Variants in DNAH8 observed in about 807,000 individuals in gnomAD.
The protein encoded by DNAH8 is axonemal beta dynein heavy chain 8.
In DNAH8, 382 loss-of-function variants were observed where a neutral mutation model predicts 562.1. That is an observed-to-expected ratio of 0.68 (90% CI 0.63 to 0.74). DNAH8 has a LOEUF of 0.74. DNAH8 is among the 30% of genes least tolerant of loss of function. The probability of loss-of-function intolerance (pLI) is 0.00; values close to 1 mark genes in which losing one functional copy is unlikely to be tolerated. For synonymous variants in DNAH8, 1,881 were observed against 1,919.4 expected (o/e 0.98, Z 0.52); for missense variants, 5,203 against 5,620.4 (o/e 0.93, Z 2.37).
Position 38,910,162 on chromosome 6 carries a change from G to A in DNAH8, c.9740+418G>A, listed in dbSNP as rs368401094. ...TATGTTAAAGGAGTATTTAGAATTT[G>A]TATTTGCATTACTTAGTCTTACCAA... is the stretch of plus-strand genomic sequence containing the variant. On this transcript the variant is annotated intron_variant, in intron 65 of 92. Coordinates refer to ENST00000327475, the MANE Select transcript of DNAH8 (RefSeq NM_001206927.2). 2.1e-4 allele frequency among the ~76,000 whole-genome samples: 32 copies of A among 152,234 alleles called. No individual in the cohort carries two copies. In the East Asian group the frequency reaches 6.0e-3, roughly 28 times the overall value.
At chr6:38,848,439 G>A (rs962253133) in intron 36 of DNAH8, among the ~76,000 whole-genome samples, 1 of 152,088 alleles carries the variant, frequency 6.6e-6, no homozygotes, top group East Asian at 1.9e-4. Flanking sequence ...TGACACATGG[G>A]AACAATAAGT....
intron 57 of DNAH8, among the ~76,000 whole-genome samples, chr6:38,887,463 T>G (rs1277903637): frequency 6.6e-6 from 1 of 151,952 alleles, no homozygotes; most frequent in East Asian, 1.9e-4. Context: ...TCTTAGCACT[T>G]TGGAAGACCA....
intron 36 of DNAH8, 101 bp downstream of exon 36, chr6:38,845,874 G>A (rs1775256827): frequency 2.0e-6 from 2 of 980,082 alleles, no homozygotes; most frequent in Non-Finnish European, 3.1e-6. Context: ...GATGGATTCT[G>A]CACTAAATTT....
chr6:38,803,261 T>C lies in DNAH8; in HGVS notation c.2984T>C (p.Phe995Ser). The C allele has an allele frequency of 6.2e-7, 1 of 1,609,290 alleles. No individual in the cohort carries two copies. The highest frequency in any genetic ancestry group is 8.5e-7 in the Non-Finnish European group (1 of 1,177,020). The change falls in exon 22 of 93, where the codon TTT becomes TCT. Residue 995 changes from phenylalanine (F) to serine (S), a missense_variant. This residue lies in a region of DNAH8 where 2,176 missense variants were observed against 2,365.1 expected (regional missense o/e 0.92). Transcript: ENST00000327475. ...GCTGTCAGAGAACTTATATCAATATTTGAGCAGATTTATGAAGTGAAATAC... is the reference window on the plus strand; with the variant it reads ...GCTGTCAGAGAACTTATATCAATATCTGAGCAGATTTATGAAGTGAAATAC... Reference protein sequence around the residue: ...EEAVRELISIFEQIYEVKYTG... With the variant: ...EEAVRELISISEQIYEVKYTG...
intron 60 of DNAH8, among the ~76,000 whole-genome samples, chr6:38,896,720 C>A (rs1167259161): frequency 6.6e-6 from 1 of 152,102 alleles, no homozygotes; most frequent in Non-Finnish European, 1.5e-5. Context: ...AGTTTCTGGG[C>A]CAGATCCAGC....
intron 88 of DNAH8, among the ~76,000 whole-genome samples, chr6:38,992,720 G>C (rs1253828906): frequency 1.3e-5 from 2 of 152,064 alleles, no homozygotes; most frequent in Non-Finnish European, 2.9e-5. Context: ...ACTGCAGGCT[G>C]TTTCACTCAC....
At chr6:38,742,986 C>CA (rs1764636980) in intron 8 of DNAH8, among the ~76,000 whole-genome samples, 1 of 127,338 alleles carries the variant, frequency 7.9e-6, no homozygotes, top group Admixed American at 7.9e-5. Flanking sequence ...TATGGTTTTC[C>CA]AAAAAAATGT....
chr6:38,914,411 T>A, intron 67 of DNAH8, among the ~76,000 whole-genome samples: 1 of 144,636 alleles, frequency 6.9e-6, no homozygotes, highest in Non-Finnish European at 1.5e-5. Flanking sequence ...TTTTTTTTTT[T>A]TTTTTTTGAG....
chr6:38,831,430 CAAAAAAAA>C (rs67322321), intron 30 of DNAH8, among the ~76,000 whole-genome samples: 1 of 89,000 alleles, frequency 1.1e-5, no homozygotes, highest in South Asian at 4.1e-4. Flanking sequence ...GACACCATCT[CAAAAAAAA>C]AAAAAAAAAA....
At chr6:38,836,516 CAAAA>C (rs35716203) in intron 32 of DNAH8, among the ~76,000 whole-genome samples, 1 of 129,310 alleles carries the variant, frequency 7.7e-6, no homozygotes, top group East Asian at 2.2e-4. Flanking sequence ...AAAACCATCT[CAAAA>C]AAAAAAAAAA....
chr6:38,923,712 TG>T (rs1561867941), intron 72 of DNAH8: 1 of 393,726 alleles, frequency 2.5e-6, no homozygotes, highest in Non-Finnish European at 4.5e-6. Flanking sequence ...AGGGACAGGA[TG>T]GGGGAAGATA....
At position 38,945,526 on chromosome 6, in the gene DNAH8, A is replaced by G. The variant is rs760515122; in HGVS notation, c.12067A>G (p.Met4023Val). The G allele has an allele frequency of 2.5e-6, 4 of 1,614,154 alleles. No individual in the cohort carries two copies. The highest frequency in any genetic ancestry group is 3.4e-6 in the Non-Finnish European group (4 of 1,180,024). Residue 4023 changes from methionine to valine, a missense_variant, in exon 80 of 93, where the codon ATG (methionine) becomes GTG (valine). By Grantham distance (21) the Met-to-Val change is conservative. Coordinates refer to ENST00000327475, the MANE Select transcript of DNAH8 (RefSeq NM_001206927.2). ...PPKPYRWILD[M>V]TWLNLVELSK... ...CAAACCCTATCGCTGGATCCTTGAC[A>G]TGACTTGGCTGAATCTTGTGGAGCT...
At position 38,923,989 on chromosome 6, in the gene DNAH8, A is replaced by G. The variant is rs1402138356; in HGVS notation, c.10791-2A>G. ...GGAGGGGGCTGTGTGTTTTCTTCACAGACTTGTAGGTGATATTCTGCTGTG... is the reference window on the plus strand; with the variant it reads ...GGAGGGGGCTGTGTGTTTTCTTCACGGACTTGTAGGTGATATTCTGCTGTG... On this transcript the variant is annotated splice_acceptor_variant, in intron 72 of 92. Transcript: ENST00000327475. LOFTEE classifies it high-confidence loss of function. 24 of 1,613,782 alleles carry G rather than the reference A, an allele frequency of 1.5e-5. No homozygotes were observed. Among genetic ancestry groups the G allele is most frequent in the Non-Finnish European group, 2.0e-5 (24 of 1,179,834 alleles).
At chr6:39,004,798 T>C (rs936162885) in intron 88 of DNAH8, among the ~76,000 whole-genome samples, 2 of 152,252 alleles carry the variant, frequency 1.3e-5, no homozygotes, top group Non-Finnish European at 2.9e-5. Context: ...TGATCTTTTA[T>C]GTCTGGATTC....
chr6:38,963,032 C>T (rs1762714793), intron 82 of DNAH8, among the ~76,000 whole-genome samples: 1 of 152,130 alleles, frequency 6.6e-6, no homozygotes, highest in African/African-American at 2.4e-5. Context: ...GGGTACACTG[C>T]TTGGGTGATG....
intron 12 of DNAH8, among the ~76,000 whole-genome samples, chr6:38,774,339 G>A (rs1003013068): frequency 1.3e-5 from 2 of 152,112 alleles, no homozygotes; most frequent in African/African-American, 4.8e-5. Context: ...ACAGCAAGTC[G>A]AGAACTGGAA....
chr6:38,946,814 G>GA (rs34693364), intron 80 of DNAH8, among the ~76,000 whole-genome samples: 6 of 150,278 alleles, frequency 4.0e-5, no homozygotes, highest in African/African-American at 7.4e-5. Flanking sequence ...TGTCTTGGGG[G>GA]AAAAAAAAAG....
chr6:38,876,537 GA>G (rs1778025679), intron 53 of DNAH8, among the ~76,000 whole-genome samples: 1 of 152,196 alleles, frequency 6.6e-6, no homozygotes, highest in Non-Finnish European at 1.5e-5. Context: ...TTGAAAGCAA[GA>G]AAGCAGTAAG....
At position 38,791,667 on chromosome 6, in the gene DNAH8, T is replaced by C; in HGVS notation, c.2894T>C (p.Leu965Pro). Residue 965 changes from leucine to proline, a missense_variant, in exon 21 of 93, where the codon CTC becomes CCC. Coordinates refer to ENST00000327475, the MANE Select transcript of DNAH8 (RefSeq NM_001206927.2). ...GATKVEDMLT[L>P]NETYTKEWAD... ...ACCAAAGTAGAAGATATGTTGACCC[T>C]CAATGAGGTATGCATTTGTTCATTA... is the stretch of plus-strand genomic sequence containing the variant. 1 of 1,613,076 alleles carries C rather than the reference T, an allele frequency of 6.2e-7. No homozygotes were observed. The highest frequency in any genetic ancestry group is 8.5e-7 in the Non-Finnish European group (1 of 1,179,724).
Sources: gnomAD v4.1 joint callset for allele counts (sites outside exome capture counted in the v4.1 genomes callset) on GRCh38, gnomAD v4.1.1 for gene constraint, gnomAD v4.1.1 regional missense constraint, MANE v1.5 for transcripts, NCBI Gene and HGNC (gene_info 2026-07-23, HGNC 2026-07-21) for gene names.